The following FAM184B variants were observed in gnomAD, a reference collection of about 807,000 sequenced individuals.
FAM184B encodes family with sequence similarity 184 member B.
Under a neutral mutation model 135.9 loss-of-function variants are expected in FAM184B, and 111 were observed. The ratio of observed to expected loss-of-function variants is 0.82; its 90% CI spans 0.70 to 0.96. The LOEUF (loss-of-function observed/expected upper bound fraction) is 0.96. Ranked by LOEUF, FAM184B falls within the 40% of genes least tolerant of loss-of-function variation. The pLI is 0.00. For synonymous variants in FAM184B, 552 were observed against 524.8 expected, an observed-to-expected ratio of 1.05 and a Z score of -0.71; for missense variants, 1,375 against 1,323.9, an observed-to-expected ratio of 1.04 and a Z score of -0.60.
rs539628804 is a variant in FAM184B at position 17,761,109 on chromosome 4, C to T, written c.141+20050G>A. Among the ~76,000 whole-genome samples the T allele has an allele frequency of 4.6e-4, 70 of 152,280 alleles. No homozygotes were observed. In the South Asian group the frequency reaches 6.0e-3, roughly 13 times the overall value. Reference sequence around the variant, plus strand: ...CAGCAAAGAATTATTTGGCCCAAAACGTCAGTAGTGTCCAGGGTGAGAAGC... The same window carrying T: ...CAGCAAAGAATTATTTGGCCCAAAATGTCAGTAGTGTCCAGGGTGAGAAGC... On this transcript the variant is annotated intron_variant, in intron 1 of 17. Transcript: ENST00000265018.
intron 1 of FAM184B, among the ~76,000 whole-genome samples, chr4:17,747,849 A>G (rs1228777791): frequency 1.5e-5 from 2 of 129,760 alleles, no homozygotes; most frequent in Non-Finnish European, 3.1e-5. Context: ...TGAACCCGGG[A>G]GGCGGAGCTT....
chr4:17,775,943 A>G (rs1170925985), intron 1 of FAM184B, among the ~76,000 whole-genome samples: 1 of 152,236 alleles, frequency 6.6e-6, no homozygotes, highest in Non-Finnish European at 1.5e-5. Flanking sequence ...AGACTTCACT[A>G]CCACGTATTG....
intron 8 of FAM184B, among the ~76,000 whole-genome samples, chr4:17,661,000 C>T (rs76787732): frequency 0.023 from 3,539 of 151,940 alleles, 61 homozygotes; most frequent in Non-Finnish European, 0.034. Context: ...ATGGGGACCC[C>T]GAAAGGAAGG....
intron 13 of FAM184B, among the ~76,000 whole-genome samples, chr4:17,639,768 C>T (rs1304704446): frequency 3.3e-5 from 5 of 151,894 alleles, no homozygotes; most frequent in Admixed American, 1.3e-4. Context: ...AACGCTGGGA[C>T]TCTGAGACCT....
At chr4:17,687,640 T>C (rs1200486859) in intron 7 of FAM184B, among the ~76,000 whole-genome samples, 3 of 152,074 alleles carry the variant, frequency 2.0e-5, no homozygotes, top group Admixed American at 6.5e-5. Context: ...AAGAAGGCTG[T>C]GTGAAGGCAC....
intron 1 of FAM184B, among the ~76,000 whole-genome samples, chr4:17,765,510 T>TAA (rs1718649422): frequency 6.6e-6 from 1 of 150,588 alleles, no homozygotes; most frequent in Non-Finnish European, 1.5e-5. Flanking sequence ...CGATCCCTCG[T>TAA]ATTGACAATA....
At chr4:17,713,670 G>T (rs750413001) in intron 1 of FAM184B, among the ~76,000 whole-genome samples, 1 of 152,140 alleles carries the variant, frequency 6.6e-6, no homozygotes, top group Non-Finnish European at 1.5e-5. Context: ...TAGCTTTTGT[G>T]AAGTCTCATA....
chr4:17,743,155 T>C (rs1718083387), intron 1 of FAM184B, among the ~76,000 whole-genome samples: 1 of 152,218 alleles, frequency 6.6e-6, no homozygotes, highest in Admixed American at 6.5e-5. Context: ...AGAACTATCC[T>C]GTCTCATCGA....
At chr4:17,733,007 T>C (rs867728603) in intron 1 of FAM184B, among the ~76,000 whole-genome samples, 3 of 152,176 alleles carry the variant, frequency 2.0e-5, no homozygotes, top group South Asian at 2.1e-4. Flanking sequence ...TGGGCTTCAT[T>C]CCTGGGATGC....
chr4:17,642,131 T>TGGA lies in FAM184B; in HGVS notation c.2441_2443dup (p.Leu814dup). 1 of 1,533,452 alleles carries TGGA rather than the reference T, an allele frequency of 6.5e-7. No individual in the cohort carries two copies. The highest frequency in any genetic ancestry group is 8.7e-7 in the Non-Finnish European group (1 of 1,145,504). The allele number at this position is 1,533,452 out of a possible 1,614,324, so 95.0% of individuals were successfully genotyped here. The stretch of plus-strand genomic sequence containing the variant: ...CGCGCGCAGCCGCCGCACCGCGTCC[T>TGGA]GGAGCTGCGCGTTCTCCTCCCAGAG... On this transcript the variant is annotated inframe_insertion, in exon 13 of 18. Transcript: ENST00000265018.
intron 12 of FAM184B, among the ~76,000 whole-genome samples, chr4:17,645,661 G>GC (rs1307009413): frequency 2.0e-5 from 3 of 151,964 alleles, no homozygotes; most frequent in Admixed American, 2.0e-4. Context: ...CAGGACATAG[G>GC]CATGGGCAAG....
At chr4:17,741,129 A>T (rs924973666) in intron 1 of FAM184B, among the ~76,000 whole-genome samples, 1 of 152,166 alleles carries the variant, frequency 6.6e-6, no homozygotes, top group Non-Finnish European at 1.5e-5. Flanking sequence ...TGTGCTTTAA[A>T]CACACCTGGG....
At chr4:17,734,381 A>G (rs1717858347) in intron 1 of FAM184B, among the ~76,000 whole-genome samples, 2 of 152,274 alleles carry the variant, frequency 1.3e-5, no homozygotes, top group Non-Finnish European at 2.9e-5. Flanking sequence ...AACTACCATC[A>G]GAGTGAACAG....
intron 5 of FAM184B, among the ~76,000 whole-genome samples, chr4:17,696,405 T>A (rs1716859625): frequency 6.6e-6 from 1 of 152,076 alleles, no homozygotes; most frequent in African/African-American, 2.4e-5. Context: ...GGAAAACCCA[T>A]GTTTAAGCTA....
chr4:17,689,659 A>T (rs1369828083), intron 6 of FAM184B, among the ~76,000 whole-genome samples: 1 of 151,980 alleles, frequency 6.6e-6, no homozygotes, highest in Non-Finnish European at 1.5e-5. Context: ...TTTCTTTTTT[A>T]AAAAATTGAG....
At position 17,658,495 on chromosome 4, in the gene FAM184B, T is replaced by C; in HGVS notation, c.1892A>G (p.Lys631Arg). 1 of 1,551,548 alleles carries C rather than the reference T, an allele frequency of 6.4e-7. No homozygotes were observed. The change falls in exon 10 of 18, where the codon AAG (lysine) becomes AGG (arginine). Residue 631 changes from lysine (K) to arginine (R), a missense_variant. Lys to Arg is a conservative substitution (Grantham distance 26). Transcript: ENST00000265018. ...SNYREDLQAL[K>R]QLSDLEREKL... is the part of the protein sequence containing the mutation. ...CTCCCTCTCCAGGTCCGAGAGCTGC[T>C]TGAGTGCCTGCAGGTCCTCCCTGTA...
At position 17,642,719 on chromosome 4, in the gene FAM184B, A is replaced by G. The variant is rs1157544824; in HGVS notation, c.2347-491T>C. 4.6e-5 allele frequency among the ~76,000 whole-genome samples: 7 copies of G among 151,738 alleles called. No individual in the cohort carries two copies. The East Asian group carries it at 1.2e-3, about 25-fold the overall frequency. ...TGTCCATGCTGGTTTCCTTGGCTAG[A>G]TTGGGAGCTATTCCTCTCTTCATCT... On this transcript the variant is annotated intron_variant, in intron 12 of 17. Transcript: ENST00000265018.
chr4:17,643,835 G>A (rs886561312), intron 12 of FAM184B, among the ~76,000 whole-genome samples: 2 of 152,192 alleles, frequency 1.3e-5, no homozygotes, highest in African/African-American at 4.8e-5. Flanking sequence ...CTGGGAGTGG[G>A]GGTGGGGAGG....
chr4:17,659,195 T>C (rs1170885523), intron 9 of FAM184B, among the ~76,000 whole-genome samples: 1 of 151,084 alleles, frequency 6.6e-6, no homozygotes, highest in Non-Finnish European at 1.5e-5. Context: ...AGCCTCGAAC[T>C]CCCAAGCTCA....
Sources: gnomAD v4.1 joint callset for allele counts (sites outside exome capture counted in the v4.1 genomes callset) on GRCh38, gnomAD v4.1.1 for gene constraint, MANE v1.5 for transcripts, NCBI Gene and HGNC (gene_info 2026-07-23, HGNC 2026-07-21) for gene names.